The following NEGR1 variants were observed in gnomAD, a reference collection of about 807,000 sequenced individuals.
NEGR1 encodes IgLON family member 4.
A neutral mutation model predicts 40.9 loss-of-function variants in NEGR1; 10 were observed. That is an observed-to-expected ratio of 0.24 (90% confidence interval 0.15 to 0.42). The LOEUF (loss-of-function observed/expected upper bound fraction) is 0.42. NEGR1 is among the 10% of genes least tolerant of loss of function. The pLI, the probability that NEGR1 is intolerant of heterozygous loss-of-function variation, is 1.00. For synonymous variants in NEGR1, 185 were observed against 166.8 expected, an observed-to-expected ratio of 1.11 and a Z score of -0.84; for missense variants, 352 against 438.9, an observed-to-expected ratio of 0.80 and a Z score of 1.77.
intron 6 of NEGR1, among the ~76,000 whole-genome samples, chr1:71,473,015 G>A (rs948015204): frequency 1.3e-5 from 2 of 151,972 alleles, no homozygotes; most frequent in Admixed American, 1.3e-4. Flanking sequence ...TTTTAAAAAT[G>A]TATGTATCTG....
chr1:71,533,048 C>G (rs1399936961), intron 6 of NEGR1, among the ~76,000 whole-genome samples: 1 of 151,570 alleles, frequency 6.6e-6, no homozygotes, highest in East Asian at 2.0e-4. Context: ...TGACCGTGGA[C>G]ACAATTGACC....
At chr1:72,245,399 A>C (rs1654871106) in intron 1 of NEGR1, among the ~76,000 whole-genome samples, 1 of 152,236 alleles carries the variant, frequency 6.6e-6, no homozygotes. Flanking sequence ...AAGTACCCTC[A>C]GGAAGAGTTT....
intron 1 of NEGR1, among the ~76,000 whole-genome samples, chr1:72,014,836 T>G (rs538415455): frequency 6.6e-6 from 1 of 151,930 alleles, no homozygotes; most frequent in Non-Finnish European, 1.5e-5. Flanking sequence ...ACAAAGATGG[T>G]CTTCAATGTA....
chr1:71,438,637 C>G (rs1244001391), intron 6 of NEGR1, among the ~76,000 whole-genome samples: 1 of 152,182 alleles, frequency 6.6e-6, no homozygotes, highest in Non-Finnish European at 1.5e-5. Flanking sequence ...GTGCACCAAA[C>G]AGAGAAAATG....
intron 6 of NEGR1, among the ~76,000 whole-genome samples, chr1:71,582,267 T>A (rs1649165695): frequency 6.6e-6 from 1 of 152,150 alleles, no homozygotes; most frequent in Non-Finnish European, 1.5e-5. Context: ...AAAATATAAG[T>A]GTTTAACAAA....
At chr1:71,986,911 T>C (rs954884328) in intron 1 of NEGR1, among the ~76,000 whole-genome samples, 3 of 152,200 alleles carry the variant, frequency 2.0e-5, no homozygotes, top group Non-Finnish European at 4.4e-5. Flanking sequence ...AGCAGGGAAC[T>C]GTAGAACCTA....
At chr1:71,928,577 T>TA (rs950328148) in intron 2 of NEGR1, among the ~76,000 whole-genome samples, 5 of 147,708 alleles carry the variant, frequency 3.4e-5, no homozygotes, top group Admixed American at 6.8e-5. Context: ...CCTATATATA[T>TA]TTTTTTTCCT....
intron 3 of NEGR1, among the ~76,000 whole-genome samples, chr1:71,741,272 C>A (rs1655204222): frequency 6.6e-6 from 1 of 152,106 alleles, no homozygotes; most frequent in South Asian, 2.1e-4. Context: ...TATCTCAAAT[C>A]ATTTTAAGCA....
At chr1:72,101,967 T>A (rs1009888136) in intron 1 of NEGR1, among the ~76,000 whole-genome samples, 1 of 152,142 alleles carries the variant, frequency 6.6e-6, no homozygotes, top group African/African-American at 2.4e-5. Context: ...TGTTTTAATA[T>A]CTGTCTATCC....
chr1:71,487,486 C>T (rs1339027483), intron 6 of NEGR1, among the ~76,000 whole-genome samples: 1 of 151,658 alleles, frequency 6.6e-6, no homozygotes, highest in African/African-American at 2.4e-5. Context: ...CTAAATTCCA[C>T]GAGTCATTTA....
intron 6 of NEGR1, among the ~76,000 whole-genome samples, chr1:71,559,073 A>G (rs956480626): frequency 2.0e-5 from 3 of 148,424 alleles, no homozygotes; most frequent in African/African-American, 7.4e-5. Flanking sequence ...GTATGCATAT[A>G]TATATGTATA....
chr1:71,777,697 T>C (rs1431425495), intron 2 of NEGR1, among the ~76,000 whole-genome samples: 1 of 152,062 alleles, frequency 6.6e-6, no homozygotes, highest in Admixed American at 6.6e-5. Context: ...AAATCTGTTG[T>C]GACGATAAAT....
chr1:71,520,196 T>C (rs1647146166), intron 6 of NEGR1, among the ~76,000 whole-genome samples: 1 of 151,990 alleles, frequency 6.6e-6, no homozygotes, highest in African/African-American at 2.4e-5. Context: ...TGACCAGTGG[T>C]GGGGTTGTCA....
intron 1 of NEGR1, among the ~76,000 whole-genome samples, chr1:71,943,245 CACACATACAT>C (rs966834533): frequency 1.9e-4 from 29 of 149,280 alleles, no homozygotes; most frequent in African/African-American, 6.7e-4. Flanking sequence ...CACACATACA[CACACATACAT>C]ACACATGTAT....
chr1:71,792,210 G>A (rs1657142683), intron 2 of NEGR1, among the ~76,000 whole-genome samples: 1 of 151,968 alleles, frequency 6.6e-6, no homozygotes, highest in African/African-American at 2.4e-5. Context: ...TTGTGGGAGG[G>A]AAAAAAGAGA....
chr1:71,809,334 C>T (rs1443924539), intron 2 of NEGR1, among the ~76,000 whole-genome samples: 1 of 152,160 alleles, frequency 6.6e-6, no homozygotes, highest in Non-Finnish European at 1.5e-5. Context: ...CGTGGAAATT[C>T]AGCTAGCTAT....
chr1:72,073,394 T>A (rs899189372), intron 1 of NEGR1, among the ~76,000 whole-genome samples: 2 of 152,108 alleles, frequency 1.3e-5, no homozygotes, highest in Non-Finnish European at 2.9e-5. Flanking sequence ...CACTAAATTT[T>A]GATTTGCTTG....
intron 2 of NEGR1, among the ~76,000 whole-genome samples, chr1:71,812,830 C>T (rs553252473): frequency 6.6e-6 from 1 of 152,030 alleles, no homozygotes; most frequent in East Asian, 1.9e-4. Flanking sequence ...GAAGAGATTG[C>T]AAAAATTTTC....
At chr1:71,840,402 A>AT (rs1406302441) in intron 2 of NEGR1, among the ~76,000 whole-genome samples, 1 of 152,166 alleles carries the variant, frequency 6.6e-6, no homozygotes, top group African/African-American at 2.4e-5. Flanking sequence ...GATATATCTA[A>AT]TAAGTAGATA....
Sources: allele counts gnomAD v4.1 joint callset (sites outside exome capture counted in the v4.1 genomes callset), GRCh38; gene constraint gnomAD v4.1.1; transcripts MANE v1.5; gene names NCBI Gene and HGNC (gene_info 2026-07-23, HGNC 2026-07-21).